CDH18: variants seen among roughly 807,000 people sequenced by gnomAD.
The protein encoded by CDH18 is cadherin-18.
In CDH18, 31 loss-of-function variants were observed where a neutral mutation model predicts 67.9. The observed-to-expected ratio is 0.46, with a 90% CI of 0.34 to 0.62. The LOEUF (loss-of-function observed/expected upper bound fraction) is 0.62. Among genes scored for constraint, CDH18 ranks in the 20% least tolerant of loss-of-function variants. CDH18 has a pLI of 0.01. For missense variants in CDH18, 890 were observed against 975.5 expected (o/e 0.91, Z 1.17); for synonymous variants, 362 against 347.2 (o/e 1.04, Z -0.48).
intron 1 of CDH18, among the ~76,000 whole-genome samples, chr5:20,468,997 C>G (rs1406566486): frequency 1.3e-5 from 2 of 152,182 alleles, no homozygotes; most frequent in East Asian, 3.9e-4. Context: ...ACTGCACTAC[C>G]TATGTCCTCG....
At chr5:19,889,572 G>T (rs116763837) in intron 2 of CDH18, among the ~76,000 whole-genome samples, 4,969 of 151,966 alleles carry the variant, frequency 0.033, 250 homozygotes, top group African/African-American at 0.1. Flanking sequence ...TTCTGCAGAA[G>T]AATTTATCTT....
At chr5:19,972,594 T>C (rs1798130291) in intron 2 of CDH18, among the ~76,000 whole-genome samples, 5 of 151,874 alleles carry the variant, frequency 3.3e-5, no homozygotes, top group Admixed American at 3.3e-4. Flanking sequence ...AATAATACAA[T>C]GAGATACCAC....
chr5:20,127,334 G>A (rs1748920918), intron 2 of CDH18, among the ~76,000 whole-genome samples: 1 of 152,048 alleles, frequency 6.6e-6, no homozygotes, highest in African/African-American at 2.4e-5. Context: ...ACAGAGCTGT[G>A]AGTCAATGAA....
At chr5:20,456,211 G>A (rs1212111493) in intron 1 of CDH18, among the ~76,000 whole-genome samples, 1 of 151,994 alleles carries the variant, frequency 6.6e-6, no homozygotes, top group Non-Finnish European at 1.5e-5. Context: ...CATAATTTTG[G>A]AGATTTACTA....
intron 2 of CDH18, among the ~76,000 whole-genome samples, chr5:19,940,132 A>G (rs1168095591): frequency 1.3e-5 from 2 of 151,778 alleles, no homozygotes; most frequent in Non-Finnish European, 2.9e-5. Flanking sequence ...TTATACCTCA[A>G]AAAAGAAAGC....
intron 2 of CDH18, among the ~76,000 whole-genome samples, chr5:20,068,994 T>C (rs1283335015): frequency 1.3e-5 from 2 of 152,146 alleles, no homozygotes; most frequent in Non-Finnish European, 2.9e-5. Flanking sequence ...GCCCTTCTAA[T>C]TCACCTCAAC....
At chr5:19,553,418 TA>T (rs201479934) in intron 8 of CDH18, among the ~76,000 whole-genome samples, 2 of 151,250 alleles carry the variant, frequency 1.3e-5, no homozygotes, top group Admixed American at 6.6e-5. Flanking sequence ...ATAATAAAAT[TA>T]AAAAAATAAA....
chr5:20,112,332 A>ATGAATTTTTTGGTTATTTTAATGGC (rs1162614306), intron 2 of CDH18, among the ~76,000 whole-genome samples: 1 of 152,232 alleles, frequency 6.6e-6, no homozygotes, highest in Non-Finnish European at 1.5e-5. Flanking sequence ...TTTCTTGATT[A>ATGAATTTTTTGGTTATTTTAATGGC]TGAATTTTTT....
intron 1 of CDH18, among the ~76,000 whole-genome samples, chr5:20,567,625 T>A (rs1758587353): frequency 6.6e-6 from 1 of 152,112 alleles, no homozygotes; most frequent in Admixed American, 6.5e-5. Context: ...ATAGAAAAGA[T>A]ATGAGAATGT....
intron 3 of CDH18, among the ~76,000 whole-genome samples, chr5:19,804,337 A>G (rs1457565855): frequency 6.6e-6 from 1 of 151,836 alleles, no homozygotes; most frequent in Non-Finnish European, 1.5e-5. Context: ...ATAAATAAGT[A>G]AATCCTAAAA....
chr5:20,336,517 T>G (rs998335634), intron 1 of CDH18, among the ~76,000 whole-genome samples: 9 of 151,578 alleles, frequency 5.9e-5, no homozygotes, highest in South Asian at 4.2e-4. Context: ...GGCCAAGAGA[T>G]CAAGACCATC....
chr5:19,713,417 C>T (rs1427350546), intron 5 of CDH18, among the ~76,000 whole-genome samples: 3 of 152,096 alleles, frequency 2.0e-5, no homozygotes, highest in Admixed American at 6.6e-5. Flanking sequence ...GTTTAATTTA[C>T]ATACCATAAA....
At chr5:20,508,268 T>C (rs1754770886) in intron 1 of CDH18, among the ~76,000 whole-genome samples, 1 of 148,570 alleles carries the variant, frequency 6.7e-6, no homozygotes, top group Non-Finnish European at 1.5e-5. Flanking sequence ...TTTTTATATA[T>C]AAGGTCCTTC....
intron 1 of CDH18, among the ~76,000 whole-genome samples, chr5:20,359,969 A>G (rs1244888522): frequency 1.3e-5 from 2 of 150,832 alleles, no homozygotes; most frequent in Non-Finnish European, 1.5e-5. Context: ...AATTTATCCA[A>G]TACATTATGC....
chr5:19,995,091 C>A (rs1735897932), intron 2 of CDH18, among the ~76,000 whole-genome samples: 1 of 151,412 alleles, frequency 6.6e-6, no homozygotes, highest in African/African-American at 2.4e-5. Context: ...TTATTCTACT[C>A]AGGCACTCAA....
At chr5:19,867,398 A>G (rs557582762) in intron 2 of CDH18, among the ~76,000 whole-genome samples, 1 of 152,326 alleles carries the variant, frequency 6.6e-6, no homozygotes, top group Non-Finnish European at 1.5e-5. Flanking sequence ...TAAAGAACAC[A>G]CAATAAAGCA....
chr5:20,285,181 A>G (rs1237738844), intron 1 of CDH18, among the ~76,000 whole-genome samples: 1 of 151,524 alleles, frequency 6.6e-6, no homozygotes, highest in Non-Finnish European at 1.5e-5. Flanking sequence ...TGAAGTAATC[A>G]ATGATAACTT....
At chr5:20,372,527 G>A (rs549100839) in intron 1 of CDH18, among the ~76,000 whole-genome samples, 8 of 151,864 alleles carry the variant, frequency 5.3e-5, no homozygotes, top group South Asian at 4.2e-4. Flanking sequence ...AAAAATAAAC[G>A]AAATTATCAT....
chr5:19,959,442 T>G (rs1796583314), intron 2 of CDH18, among the ~76,000 whole-genome samples: 1 of 152,108 alleles, frequency 6.6e-6, no homozygotes, highest in Admixed American at 6.6e-5. Context: ...TAATTGTAAG[T>G]ATACTGTATT....
Sources: gnomAD v4.1 joint callset for allele counts (sites outside exome capture counted in the v4.1 genomes callset) on GRCh38, gnomAD v4.1.1 for gene constraint, MANE v1.5 for transcripts, NCBI Gene and HGNC (gene_info 2026-07-23, HGNC 2026-07-21) for gene names.